The following CEP63 variants were observed in gnomAD, a reference collection of about 807,000 sequenced individuals.
CEP63 encodes centrosomal protein 63.
In CEP63, 84 loss-of-function variants were observed where a neutral mutation model predicts 89.1. The ratio of observed to expected loss-of-function variants is 0.94; its 90% CI spans 0.79 to 1.13. CEP63 has a LOEUF of 1.13. Among genes scored for constraint, CEP63 ranks in the 50% most tolerant of loss-of-function variants. The probability of loss-of-function intolerance (pLI) is 0.00; values close to 1 mark genes in which losing one functional copy is unlikely to be tolerated. For missense variants in CEP63, 838 were observed against 813.3 expected (o/e 1.03, Z -0.37); for synonymous variants, 267 against 272.5 (o/e 0.98, Z 0.20).
intron 11 of CEP63, among the ~76,000 whole-genome samples, chr3:134,571,743 TATC>T (rs765587737): frequency 7.9e-5 from 12 of 152,214 alleles, no homozygotes; most frequent in East Asian, 1.9e-4. Context: ...GAAAATAAAA[TATC>T]ATCATTCAGT....
chr3:134,653,865 A>G, the CEP63 span, among the ~76,000 whole-genome samples: 2 of 152,022 alleles, frequency 1.3e-5, no homozygotes, highest in African/African-American at 4.8e-5. Flanking sequence ...TGTCCTCTAC[A>G]CCCCAAACAC....
At chr3:134,595,902 C>T in the CEP63 span, among the ~76,000 whole-genome samples, 1 of 152,198 alleles carries the variant, frequency 6.6e-6, no homozygotes, top group East Asian at 1.9e-4. Flanking sequence ...TATCAACGGT[C>T]TTCAAGACAG....
chr3:134,591,921 A>C (rs370417053), downstream of CEP63, among the ~76,000 whole-genome samples: 1 of 150,662 alleles, frequency 6.6e-6, no homozygotes, highest in East Asian at 2.0e-4. Context: ...CCAGACTGAG[A>C]TACTAAAATG....
chr3:134,599,688 C>T, the CEP63 span, among the ~76,000 whole-genome samples: 1 of 152,242 alleles, frequency 6.6e-6, no homozygotes, highest in African/African-American at 2.4e-5. Context: ...ACAGTGCCTT[C>T]GTGTTCTTCA....
downstream of CEP63, among the ~76,000 whole-genome samples, chr3:134,578,444 C>T (rs1190037601): frequency 6.6e-6 from 1 of 151,088 alleles, no homozygotes; most frequent in Non-Finnish European, 1.5e-5. Context: ...GATTCTCCTG[C>T]CTCAGCCTCT....
At chr3:134,598,912 AG>A in the CEP63 span, among the ~76,000 whole-genome samples, 1 of 152,222 alleles carries the variant, frequency 6.6e-6, no homozygotes, top group Non-Finnish European at 1.5e-5. Flanking sequence ...AGACAGAACC[AG>A]CATCCTGTCA....
chr3:134,631,376 A>C, the CEP63 span, among the ~76,000 whole-genome samples: 1 of 152,344 alleles, frequency 6.6e-6, no homozygotes, highest in African/African-American at 2.4e-5. Context: ...TTGCTCCAAA[A>C]GAAATGCTAA....
At chr3:134,485,841 G>A (rs186406597), upstream of CEP63, 12 of 329,376 alleles carry the variant, frequency 3.6e-5, no homozygotes, top group East Asian at 2.0e-3. Flanking sequence ...AAACGGTTAT[G>A]AGCGTAAAGT....
intron 9 of CEP63, among the ~76,000 whole-genome samples, chr3:134,547,925 T>C (rs1953899182): frequency 6.6e-6 from 1 of 152,158 alleles, no homozygotes; most frequent in African/African-American, 2.4e-5. Flanking sequence ...TCTTATTTCA[T>C]TGAGAAGACA....
chr3:134,643,263 AGGTCT>A, the CEP63 span: 3 of 1,557,894 alleles, frequency 1.9e-6, no homozygotes, highest in South Asian at 3.4e-5. Context: ...CCAGAGCATC[AGGTCT>A]GGGCACACCT....
At chr3:134,708,610 G>A in the CEP63 span, among the ~76,000 whole-genome samples, 1 of 152,156 alleles carries the variant, frequency 6.6e-6, no homozygotes, top group Non-Finnish European at 1.5e-5. Flanking sequence ...CCCAGACTAC[G>A]GTGTTTTATG....
chr3:134,625,451 A>G, the CEP63 span, among the ~76,000 whole-genome samples: 1 of 152,258 alleles, frequency 6.6e-6, no homozygotes, highest in Non-Finnish European at 1.5e-5. Context: ...AGACATATTG[A>G]TGATGGAATC....
chr3:134,717,046 G>A, the CEP63 span, among the ~76,000 whole-genome samples: 62 of 152,306 alleles, frequency 4.1e-4, no homozygotes, highest in African/African-American at 1.4e-3. Context: ...AAAAAAGGCA[G>A]AGGCTTAGAC....
the CEP63 span, among the ~76,000 whole-genome samples, chr3:134,659,072 G>A: frequency 6.6e-6 from 1 of 152,106 alleles, no homozygotes; most frequent in African/African-American, 2.4e-5. Flanking sequence ...CAAATTTCGG[G>A]TACTTTGAAT....
the CEP63 span, among the ~76,000 whole-genome samples, chr3:134,719,155 T>C: frequency 2.0e-5 from 3 of 152,006 alleles, no homozygotes; most frequent in South Asian, 6.2e-4. Flanking sequence ...TTGTTAGAAA[T>C]GCAGCATCTT....
At chr3:134,691,250 C>T in the CEP63 span, among the ~76,000 whole-genome samples, 6 of 151,702 alleles carry the variant, frequency 4.0e-5, no homozygotes, top group Admixed American at 2.6e-4. Context: ...CCCAGCTACT[C>T]AGGAGGCTGA....
At chr3:134,725,865 C>G in the CEP63 span, among the ~76,000 whole-genome samples, 24 of 152,114 alleles carry the variant, frequency 1.6e-4, no homozygotes, top group African/African-American at 5.8e-4. Context: ...CAGGCCCTGG[C>G]AGGTCAGGGG....
chr3:134,636,913 C>G, the CEP63 span, among the ~76,000 whole-genome samples: 4 of 152,106 alleles, frequency 2.6e-5, no homozygotes, highest in Non-Finnish European at 5.9e-5. Flanking sequence ...TGGCTATTTT[C>G]CTATTGAAGT....
At chr3:134,588,567 A>G (rs1246460609), downstream of CEP63, among the ~76,000 whole-genome samples, 3 of 152,248 alleles carry the variant, frequency 2.0e-5, no homozygotes, top group Non-Finnish European at 4.4e-5. Context: ...TTGGTGTGCA[A>G]TTGAAGTTGT....
Sources: allele counts gnomAD v4.1 joint callset (sites outside exome capture counted in the v4.1 genomes callset), GRCh38; gene constraint gnomAD v4.1.1; transcripts MANE v1.5; gene names NCBI Gene and HGNC (gene_info 2026-07-23, HGNC 2026-07-21).